The following HCFC2 variants were observed in gnomAD, a reference collection of about 807,000 sequenced individuals.
HCFC2 encodes host cell factor C2.
HCFC2 carries 18 observed loss-of-function variants against 89.2 expected under a neutral mutation model. The ratio of observed to expected loss-of-function variants is 0.20; its 90% CI spans 0.14 to 0.30. HCFC2 has a LOEUF of 0.30. HCFC2 is among the 10% of genes least tolerant of loss of function. HCFC2 has a pLI of 1.00. For synonymous variants in HCFC2, 308 were observed against 335.7 expected (o/e 0.92, Z 0.90); for missense variants, 578 against 956.1 (o/e 0.60, Z 5.21).
At chr12:104,082,947 A>G (rs1883728062) in intron 7 of HCFC2, 46 bp downstream of exon 7, 1 of 1,406,230 alleles carries the variant, frequency 7.1e-7, no homozygotes, top group African/African-American at 1.4e-5. Context: ...TTAGGTAAGC[A>G]CTCAAATGTC....
Position 104,068,037 on chromosome 12 carries a change from T to C in HCFC2, c.403T>C (p.Tyr135His), listed in dbSNP as rs534442693. 57 of 1,606,038 alleles carry C rather than the reference T, an allele frequency of 3.5e-5. 1 individual carries two copies. In the South Asian group the frequency reaches 5.6e-4, roughly 16 times the overall value. Residue 135 changes from tyrosine (Y) to histidine (H), a missense_variant, in exon 3 of 15, where the codon TAT becomes CAT. Around this residue, in one of 4 missense-constraint regions of HCFC2, gnomAD observed 206 missense variants for 419.2 expected, o/e 0.49. Coordinates refer to ENST00000229330, the MANE Select transcript of HCFC2 (RefSeq NM_013320.3). The surrounding 1 kb of genome is among the most constrained non-coding windows in gnomAD (Gnocchi z 4.1). ...TCGGCTTGGACATAGCTTCTCTTTA[T>C]ATGGTAACAAATGCTATTTGTTTGG... ...CPRLGHSFSL[Y>H]GNKCYLFGGL...
chr12:104,091,684 A>C (rs532537122), intron 9 of HCFC2, among the ~76,000 whole-genome samples: 6 of 152,334 alleles, frequency 3.9e-5, no homozygotes, highest in African/African-American at 1.2e-4. Flanking sequence ...AGCACATTCC[A>C]GATGTAAGGA....
At chr12:104,071,008 G>A (rs1303970658) in intron 3 of HCFC2, among the ~76,000 whole-genome samples, 3 of 151,884 alleles carry the variant, frequency 2.0e-5, no homozygotes, top group Non-Finnish European at 2.9e-5. Context: ...AGGTTTCACC[G>A]TGTTAGCCAG....
intron 3 of HCFC2, among the ~76,000 whole-genome samples, chr12:104,069,598 CATA>C (rs1410087329): frequency 6.6e-6 from 1 of 150,416 alleles, no homozygotes; most frequent in Admixed American, 6.6e-5. Context: ...TTTCGCTTAC[CATA>C]ATGTCCTGCT....
chr12:104,075,378 T>C (rs914320378), intron 3 of HCFC2, among the ~76,000 whole-genome samples: 7 of 152,106 alleles, frequency 4.6e-5, no homozygotes, highest in African/African-American at 1.7e-4. Flanking sequence ...TTAGTTTTAT[T>C]GACTGTCTGT....
intron 3 of HCFC2, among the ~76,000 whole-genome samples, chr12:104,072,262 C>T (rs149995999): frequency 8.6e-4 from 131 of 151,590 alleles, no homozygotes; most frequent in Non-Finnish European, 1.6e-3. Context: ...GTCCCATCTA[C>T]ATGGGGGGCC....
At chr12:104,091,799 A>T (rs547134714) in intron 9 of HCFC2, among the ~76,000 whole-genome samples, 10 of 152,230 alleles carry the variant, frequency 6.6e-5, no homozygotes, top group Non-Finnish European at 1.0e-4. Flanking sequence ...CTTCATCTAT[A>T]AAAAAAGGGT....
rs11411208 is a variant in HCFC2 at position 104,093,776 on chromosome 12, A to ATT, written c.1462+226_1462+227dup. Among the ~76,000 whole-genome samples the ATT allele has an allele frequency of 4.6e-3, 685 of 147,338 alleles. 4 individuals are homozygous for ATT. Among genetic ancestry groups the ATT allele is most frequent in the Middle Eastern group, 0.042 (12 of 288 alleles). On this transcript the variant is annotated intron_variant, in intron 10 of 14. Transcript: ENST00000229330. ...TGAACTATGGAATTTAAATGAGGCAATTTTTTTTTTTTTTAAAGAATAGCC... is the reference window on the plus strand; with the variant it reads ...TGAACTATGGAATTTAAATGAGGCAATTTTTTTTTTTTTTTTAAAGAATAGCC...
intron 3 of HCFC2, among the ~76,000 whole-genome samples, chr12:104,074,387 T>C (rs529881412): frequency 3.3e-5 from 5 of 152,206 alleles, no homozygotes; most frequent in Non-Finnish European, 5.9e-5. Context: ...CTTGAACTCT[T>C]GGGCTCAAGT....
chr12:104,079,379 A>C, intron 3 of HCFC2, 66 bp from the exon 4 acceptor site: 1 of 1,233,538 alleles, frequency 8.1e-7, no homozygotes, highest in Non-Finnish European at 1.1e-6. Context: ...CTTTATAAAT[A>C]GAAATAAAAT....
intron 5 of HCFC2, 33 bp from the exon 6 acceptor site, chr12:104,082,467 G>A (rs1315510853): frequency 7.6e-7 from 1 of 1,320,736 alleles, no homozygotes; most frequent in Non-Finnish European, 1.1e-6. Flanking sequence ...AATGAAATAA[G>A]CTACTTTATG....
At chr12:104,102,909 AC>A in intron 14 of HCFC2, 49 bp from the exon 15 acceptor site, 1 of 1,446,520 alleles carries the variant, frequency 6.9e-7, no homozygotes, top group Non-Finnish European at 9.5e-7. Flanking sequence ...ATAAGTGATA[AC>A]AGAGGAAACT....
chr12:104,093,030 C>T (rs563913770), intron 9 of HCFC2, among the ~76,000 whole-genome samples: 1 of 152,098 alleles, frequency 6.6e-6, no homozygotes, highest in South Asian at 2.1e-4. Context: ...ACATGTCTGC[C>T]CTTTAAGAAA....
At chr12:104,074,626 C>A (rs1011396191) in intron 3 of HCFC2, among the ~76,000 whole-genome samples, 27 of 152,104 alleles carry the variant, frequency 1.8e-4, no homozygotes, top group Admixed American at 2.0e-4. Context: ...GAAATATGAG[C>A]CACCTTTTTA....
At chr12:104,101,879 TTTTTTG>T (rs2029951266) in intron 13 of HCFC2, 83 bp from the exon 14 acceptor site, 1 of 787,612 alleles carries the variant, frequency 1.3e-6, no homozygotes, top group Non-Finnish European at 1.8e-6. Context: ...CTTTAAAAGT[TTTTTTG>T]TTTAATAAAA....
intron 9 of HCFC2, among the ~76,000 whole-genome samples, chr12:104,092,984 G>A (rs1237932833): frequency 6.6e-6 from 1 of 152,116 alleles, no homozygotes; most frequent in Non-Finnish European, 1.5e-5. Flanking sequence ...CCATATAGCT[G>A]AGATTTTACT....
Position 104,101,979 on chromosome 12 carries a change from A to G in HCFC2, c.1890A>G (p.Ala630=). 1 of 1,596,218 alleles carries G rather than the reference A, an allele frequency of 6.3e-7. No homozygotes were observed. The part of the protein sequence containing the change: ...GKQSISKVGN[A]DVPDYSLLKK... ...ATACTACATTTTAGGTAGGAAATGC[A>G]GATGTACCTGACTACAGCTTGCTTA... The change falls in exon 14 of 15, where the codon GCA becomes GCG. Residue 630 remains alanine, a synonymous_variant. Coordinates refer to ENST00000229330, the MANE Select transcript of HCFC2 (RefSeq NM_013320.3).
rs1883008611 is a variant in HCFC2, at chr12:104,064,795, C to T, written c.163+72C>T. 6 of 1,417,658 alleles carry T rather than the reference C, an allele frequency of 4.2e-6. No individual in the cohort carries two copies. Among genetic ancestry groups the T allele is most frequent in the Non-Finnish European group, 5.6e-6 (6 of 1,070,788 alleles). 87.8% of individuals were successfully genotyped at this position (1,417,658 alleles called of 1,614,324 possible). On this transcript the variant is annotated intron_variant, in intron 1 of 14. Transcript: ENST00000229330. The surrounding 1 kb of genome is among the most constrained non-coding windows in gnomAD (Gnocchi z 7.3). ...GGGGGAGGGGAGGCGAGGCGGCGGCCGCGGCCCTGACAGCTGTCACCGCCC... is the reference window on the plus strand; with the variant it reads ...GGGGGAGGGGAGGCGAGGCGGCGGCTGCGGCCCTGACAGCTGTCACCGCCC...
Position 104,102,951 on chromosome 12 carries a change from C to CT in HCFC2, c.2065-8_2065-7insT. 1 of 1,592,268 alleles carries CT rather than the reference C, an allele frequency of 6.3e-7. No individual in the cohort carries two copies. On this transcript the variant is annotated splice_polypyrimidine_tract_variant and splice_region_variant and intron_variant, in intron 14 of 14. Coordinates refer to ENST00000229330, the MANE Select transcript of HCFC2 (RefSeq NM_013320.3). ...ACCTTTAACCTGTTTTTTCCCCCCC[C>CT]CTTCAAGAATGTTGAAGGTATCCAC...
Sources: allele counts gnomAD v4.1 joint callset (sites outside exome capture counted in the v4.1 genomes callset), GRCh38; gene constraint gnomAD v4.1.1; regional missense constraint gnomAD v4.1.1; non-coding constraint Gnocchi (gnomAD v3.1); transcripts MANE v1.5; gene names NCBI Gene and HGNC (gene_info 2026-07-23, HGNC 2026-07-21).